The following KY variants were observed in gnomAD, a reference collection of about 807,000 sequenced individuals.
KY encodes kyphoscoliosis peptidase.
Under a neutral mutation model 76.1 loss-of-function variants are expected in KY, and 43 were observed. The observed-to-expected ratio is 0.57, with a 90% CI of 0.44 to 0.73. The LOEUF is 0.73. Ranked by LOEUF, KY falls within the 30% of genes least tolerant of loss-of-function variation. KY has a pLI of 0.00. For synonymous variants in KY, 277 were observed against 326.2 expected, an observed-to-expected ratio of 0.85 and a Z score of 1.63; for missense variants, 722 against 828.9, an observed-to-expected ratio of 0.87 and a Z score of 1.58.
Position 134,608,692 on chromosome 3 carries a change from T to C in KY, c.1047A>G (p.Lys349=), listed in dbSNP as rs1225893202. The C allele has an allele frequency of 1.2e-6, 2 of 1,614,052 alleles. No homozygotes were observed. The highest frequency in any genetic ancestry group is 1.3e-5 in the African/African-American group (1 of 75,068). Residue 349 remains lysine, a synonymous_variant, in exon 10 of 11, where the codon AAA becomes AAG. Coordinates refer to ENST00000423778, the MANE Select transcript of KY (RefSeq NM_178554.6). The stretch of plus-strand genomic sequence containing the variant: ...TCTCTGGGTGGGCACTCAGCATCCC[T>C]TTGTTGTAGAATTCACTCTTGTGAT... The part of the protein sequence containing the change: ...NMYHKSEFYN[K]GMLSAHPETS...
At position 134,602,425 on chromosome 3, in the gene KY, A is replaced by G. The variant is rs1959009583; in HGVS notation, c.*1154T>C. Among the ~76,000 whole-genome samples, 1 of 152,074 alleles carries G rather than the reference A, an allele frequency of 6.6e-6. No homozygotes were observed. Among genetic ancestry groups the G allele is most frequent in the African/African-American group, 2.4e-5 (1 of 41,396 alleles). On this transcript the variant is annotated 3_prime_UTR_variant, in exon 11 of 11. Coordinates refer to ENST00000423778, the MANE Select transcript of KY (RefSeq NM_178554.6). ...AGACTGGAGGGGGCTGTCTTCTCAGAGAAGGGAGGAAAGGAGACGGGATAG... is the reference window on the plus strand; with the variant it reads ...AGACTGGAGGGGGCTGTCTTCTCAGGGAAGGGAGGAAAGGAGACGGGATAG...
At chr3:134,643,263 A>G in intron 3 of KY, 53 bp downstream of exon 3, 1 of 1,557,892 alleles carries the variant, frequency 6.4e-7, no homozygotes, top group Non-Finnish European at 8.8e-7. Flanking sequence ...CCAGAGCATC[A>G]GGTCTGGGCA....
chr3:134,628,211 A>G (rs138370273), intron 4 of KY: 136 of 201,630 alleles, frequency 6.7e-4, no homozygotes, highest in East Asian at 2.9e-3. Context: ...ATGGATGGAA[A>G]CAAAGATGCA....
At chr3:134,643,515 C>T in intron 2 of KY, 137 bp from the exon 3 acceptor site, 4 of 661,138 alleles carry the variant, frequency 6.1e-6, no homozygotes, top group Non-Finnish European at 1.1e-5. Context: ...GTGTGCACAC[C>T]CTCACAGTGT....
chr3:134,601,984 T>TACCAAGGCA lies in KY; in HGVS notation c.*1594_*1595insTGCCTTGGT, dbSNP rs1553802773. 0.015 allele frequency among the ~76,000 whole-genome samples: 4 copies of TACCAAGGCA among 266 alleles called. No individual in the cohort carries two copies. The highest frequency in any genetic ancestry group is 0.041 in the African/African-American group (4 of 98). 0.2% of individuals were successfully genotyped at this position (266 alleles called of 152,430 possible). ...CTCTGTAGCCCAAGCATCTGGTACT[T>TACCAAGGCA]CTGTGAGCATTTGTTGGATACAGGG... On this transcript the variant is annotated 3_prime_UTR_variant, in exon 11 of 11. Transcript: ENST00000423778.
At chr3:134,611,397 G>T (rs1446185081) in intron 8 of KY, among the ~76,000 whole-genome samples, 1 of 152,308 alleles carries the variant, frequency 6.6e-6, no homozygotes, top group Non-Finnish European at 1.5e-5. Flanking sequence ...ATGGCCAGCT[G>T]GTCTTGCTCC....
At chr3:134,609,087 C>A (rs1022699702) in intron 9 of KY, among the ~76,000 whole-genome samples, 3 of 152,118 alleles carry the variant, frequency 2.0e-5, no homozygotes, top group African/African-American at 7.2e-5. Context: ...CCTAGGCTGT[C>A]GAGGGGAAAA....
At chr3:134,607,418 C>T in intron 10 of KY, 1 of 985,652 alleles carries the variant, frequency 1.0e-6, no homozygotes, top group African/African-American at 1.7e-5. Flanking sequence ...GCTCTGGGCC[C>T]ACCCACAGGC....
chr3:134,607,468 C>A lies in KY; in HGVS notation c.1090+1181G>T, dbSNP rs368590015. ...GTCAGTGTGAGCTCAGACCTCCTGT[C>A]CTGGGCGGATGGAGGCCCCAGTGGC... On this transcript the variant is annotated intron_variant, in intron 10 of 10. Coordinates refer to ENST00000423778, the MANE Select transcript of KY (RefSeq NM_178554.6). 49 of 985,630 alleles carry A rather than the reference C, an allele frequency of 5.0e-5. 1 individual carries two copies. In the East Asian group the frequency reaches 2.2e-3, roughly 43 times the overall value. The allele number at this position is 985,630 out of a possible 1,614,324, so 61.1% of individuals were successfully genotyped here. A position where few individuals can be genotyped will look rare whatever the true frequency, so the allele number is the denominator to read the frequency against.
chr3:134,611,722 T>C (rs1265326089), intron 8 of KY, among the ~76,000 whole-genome samples: 1 of 152,072 alleles, frequency 6.6e-6, no homozygotes, highest in Non-Finnish European at 1.5e-5. Flanking sequence ...GTCCAGGGTG[T>C]TGGTGGGGTC....
At position 134,603,393 on chromosome 3, in the gene KY, A is replaced by C; in HGVS notation, c.*186T>G. On this transcript the variant is annotated 3_prime_UTR_variant, in exon 11 of 11. Transcript: ENST00000423778. Reference sequence around the variant, plus strand: ...CCTCTGCCCCCTCAGTCACAGCCACACCTGAGTGAAGCCTTCAGAACACAA... The same window carrying C: ...CCTCTGCCCCCTCAGTCACAGCCACCCCTGAGTGAAGCCTTCAGAACACAA... 1 of 560,386 alleles carries C rather than the reference A, an allele frequency of 1.8e-6. No individual in the cohort carries two copies. Among genetic ancestry groups the C allele is most frequent in the South Asian group, 2.8e-5 (1 of 36,102 alleles). The allele number at this position is 560,386 out of a possible 1,614,324, so 34.7% of individuals were successfully genotyped here.
chr3:134,630,051 C>T (rs1188378036), intron 3 of KY, among the ~76,000 whole-genome samples: 1 of 152,130 alleles, frequency 6.6e-6, no homozygotes, highest in Admixed American at 6.5e-5. Flanking sequence ...GTGAATTTAC[C>T]ATTCTTCTTT....
At position 134,625,143 on chromosome 3, in the gene KY, C is replaced by T. The variant is rs1963258728; in HGVS notation, c.401-8G>A. On this transcript the variant is annotated splice_region_variant and splice_polypyrimidine_tract_variant and intron_variant, in intron 5 of 10. Coordinates refer to ENST00000423778, the MANE Select transcript of KY (RefSeq NM_178554.6). ...ATCGATCCCAGGGGTAGGCTGGAAA[C>T]ACAGGGCACCTTGGTCAGCAGCTGA... is the stretch of plus-strand genomic sequence containing the variant. The T allele has an allele frequency of 6.3e-7, 1 of 1,590,588 alleles. No homozygotes were observed. Among genetic ancestry groups the T allele is most frequent in the Non-Finnish European group, 8.6e-7 (1 of 1,168,098 alleles).
chr3:134,605,073 G>A (rs1959166025), intron 10 of KY, among the ~76,000 whole-genome samples: 1 of 152,100 alleles, frequency 6.6e-6, no homozygotes, highest in African/African-American at 2.4e-5. Context: ...AATGGGTCCT[G>A]AAGAGTCAGT....
At chr3:134,614,342 A>T (rs1455598616) in intron 8 of KY, among the ~76,000 whole-genome samples, 1 of 152,118 alleles carries the variant, frequency 6.6e-6, no homozygotes, top group East Asian at 1.9e-4. Flanking sequence ...CAGAATTGAC[A>T]ACCTCAATTT....
At chr3:134,629,313 CA>C in intron 4 of KY, 2 of 351,460 alleles carry the variant, frequency 5.7e-6, no homozygotes, top group Non-Finnish European at 1.1e-5. Context: ...TTTTGCATGC[CA>C]CTTTTCTGGC....
At chr3:134,607,013 A>C in intron 10 of KY, 1 of 984,392 alleles carries the variant, frequency 1.0e-6, no homozygotes, top group Non-Finnish European at 1.2e-6. Context: ...AGATATATGG[A>C]ATCATATTTA....
rs368780624 is a variant in KY at position 134,604,073 on chromosome 3, C to T, written c.1492G>A (p.Gly498Arg). The change falls in exon 11 of 11, where the codon GGG (glycine) becomes AGG (arginine). Residue 498 changes from glycine to arginine, a missense_variant. This residue lies in a region of KY where 552 missense variants were observed against 680.9 expected (regional missense o/e 0.81). Coordinates refer to ENST00000423778, the MANE Select transcript of KY (RefSeq NM_178554.6). ...TCCTCAGTGATGGGGCCATCATCCCCGTGGAGGGAAGCCAGGACATTAATG... is the reference window on the plus strand; with the variant it reads ...TCCTCAGTGATGGGGCCATCATCCCTGTGGAGGGAAGCCAGGACATTAATG... ...EGINVLASLH[G>R]DDGPITEETQ... The T allele has an allele frequency of 1.1e-5, 17 of 1,613,748 alleles. No homozygotes were observed. Among genetic ancestry groups the T allele is most frequent in the South Asian group, 2.2e-5 (2 of 91,044 alleles).
intron 2 of KY, among the ~76,000 whole-genome samples, 178 bp from the exon 3 acceptor site, chr3:134,643,556 A>C (rs1034671543): frequency 6.6e-6 from 1 of 152,228 alleles, no homozygotes; most frequent in Non-Finnish European, 1.5e-5. Context: ...GACACTGTGC[A>C]TGGAGACAAA....
Sources: gnomAD v4.1 joint callset for allele counts (sites outside exome capture counted in the v4.1 genomes callset) on GRCh38, gnomAD v4.1.1 for gene constraint, gnomAD v4.1.1 regional missense constraint, MANE v1.5 for transcripts, NCBI Gene and HGNC (gene_info 2026-07-23, HGNC 2026-07-21) for gene names.